AHCTF1: variants seen among roughly 807,000 people sequenced by gnomAD.
AHCTF1 encodes AT-hook containing transcription factor 1.
In AHCTF1, 24 loss-of-function variants were observed where a neutral mutation model predicts 248.4. That is an observed-to-expected ratio of 0.10 (90% CI 0.07 to 0.14). The LOEUF (loss-of-function observed/expected upper bound fraction) is 0.14. AHCTF1 is among the 10% of genes least tolerant of loss of function. The pLI, the probability that AHCTF1 is intolerant of heterozygous loss-of-function variation, is 1.00. For synonymous variants in AHCTF1, 786 were observed against 929.8 expected (o/e 0.85, Z 2.81); for missense variants, 2,206 against 2,636.2 (o/e 0.84, Z 3.57).
chr1:246,883,424 T>C (rs1246359363), intron 21 of AHCTF1, among the ~76,000 whole-genome samples: 1 of 152,210 alleles, frequency 6.6e-6, no homozygotes, highest in African/African-American at 2.4e-5. Flanking sequence ...CTTGAATAAG[T>C]CCCTGTAAAT....
At chr1:246,868,611 TAAAA>T (rs36102148) in intron 24 of AHCTF1, among the ~76,000 whole-genome samples, 3 of 132,642 alleles carry the variant, frequency 2.3e-5, no homozygotes, top group African/African-American at 5.3e-5. Flanking sequence ...TGGTAAGTGG[TAAAA>T]AAAAAAAAAA....
intron 7 of AHCTF1, among the ~76,000 whole-genome samples, chr1:246,902,969 T>A (rs1017038854): frequency 2.0e-5 from 3 of 152,228 alleles, no homozygotes; most frequent in Non-Finnish European, 2.9e-5. Flanking sequence ...AAATTATATA[T>A]GCATATATCT....
At chr1:246,903,852 AAAG>A in intron 7 of AHCTF1, 94 bp downstream of exon 7, 4 of 1,042,672 alleles carry the variant, frequency 3.8e-6, no homozygotes, top group South Asian at 1.5e-5. Context: ...AAAAAAAAAA[AAAG>A]AATCACTTTT....
chr1:246,847,850 A>C (rs1660399133), intron 33 of AHCTF1, among the ~76,000 whole-genome samples: 1 of 152,186 alleles, frequency 6.6e-6, no homozygotes, highest in African/African-American at 2.4e-5. Context: ...GGTGGTTACT[A>C]TATTCCTCCA....
At chr1:246,901,728 G>A (rs1665014952) in intron 8 of AHCTF1, among the ~76,000 whole-genome samples, 3 of 152,182 alleles carry the variant, frequency 2.0e-5, no homozygotes, top group African/African-American at 7.2e-5. Context: ...CGAGATGGGA[G>A]AATTGGTTGA....
intron 4 of AHCTF1, 68 bp from the exon 5 acceptor site, chr1:246,907,826 C>A: frequency 7.5e-7 from 1 of 1,327,512 alleles, no homozygotes; most frequent in Non-Finnish European, 1.0e-6. Flanking sequence ...ATATGTCATC[C>A]ATTATTCAAG....
chr1:246,887,602 G>C (rs1663915013), intron 19 of AHCTF1, among the ~76,000 whole-genome samples: 2 of 152,150 alleles, frequency 1.3e-5, no homozygotes, highest in Admixed American at 1.3e-4. Context: ...AGGAGATAAA[G>C]CGTATTTTTA....
At chr1:246,929,857 G>A (rs569683930) in intron 1 of AHCTF1, among the ~76,000 whole-genome samples, 1 of 152,156 alleles carries the variant, frequency 6.6e-6, no homozygotes, top group Non-Finnish European at 1.5e-5. Context: ...TTCAAGACCA[G>A]CCTGGCCAAT....
At chr1:246,842,490 G>A (rs949654697) in intron 35 of AHCTF1, among the ~76,000 whole-genome samples, 8 of 152,062 alleles carry the variant, frequency 5.3e-5, no homozygotes, top group African/African-American at 1.9e-4. Context: ...GCTGAGGCAT[G>A]AGAATCACCT....
chr1:246,923,949 G>A (rs1295292048), intron 1 of AHCTF1, among the ~76,000 whole-genome samples: 2 of 152,192 alleles, frequency 1.3e-5, no homozygotes, highest in Admixed American at 1.3e-4. Context: ...ATGTTTCAGG[G>A]AACTGTGCTG....
At chr1:246,842,072 C>T (rs1176204229) in intron 35 of AHCTF1, among the ~76,000 whole-genome samples, 2 of 151,426 alleles carry the variant, frequency 1.3e-5, no homozygotes, top group Non-Finnish European at 2.9e-5. Flanking sequence ...GGATTACAGG[C>T]GTGAGCCACC....
At chr1:246,923,887 G>A (rs954633669) in intron 1 of AHCTF1, among the ~76,000 whole-genome samples, 3 of 152,204 alleles carry the variant, frequency 2.0e-5, no homozygotes, top group African/African-American at 7.2e-5. Flanking sequence ...GAAAACTCCA[G>A]GTCTGGAAGT....
Position 246,891,925 on chromosome 1 carries a change from A to G in AHCTF1, c.1805-6T>C. ...ACCATCAAATAATGGCACACCTTTC[A>G]AGAATAAAAGAAAAGATAAGTTTCC... On this transcript the variant is annotated splice_region_variant and splice_polypyrimidine_tract_variant and intron_variant, in intron 14 of 35. Transcript: ENST00000648844. The G allele has an allele frequency of 6.3e-7, 1 of 1,577,146 alleles. No homozygotes were observed. Among genetic ancestry groups the G allele is most frequent in the Non-Finnish European group, 8.5e-7 (1 of 1,169,636 alleles).
Position 246,918,344 on chromosome 1 carries a change from A to C in AHCTF1, c.27T>G (p.Thr9=). The C allele has an allele frequency of 6.2e-7, 1 of 1,612,644 alleles. No homozygotes were observed. Among genetic ancestry groups the C allele is most frequent in the Non-Finnish European group, 8.5e-7 (1 of 1,179,392 alleles). Residue 9 remains threonine (T), a synonymous_variant, in exon 2 of 36, where the codon ACT becomes ACG. Transcript: ENST00000648844. ...CTTCTGGAAATGGCAGGAGACCACT[A>C]GTCACTTGAGCTCTTAAGTCTCGCA... The part of the protein sequence containing the change: MRDLRAQV[T]SGLLPFPEVT...
chr1:246,910,020 T>C (rs1159139243), intron 4 of AHCTF1, among the ~76,000 whole-genome samples: 1 of 152,228 alleles, frequency 6.6e-6, no homozygotes, highest in Non-Finnish European at 1.5e-5. Context: ...GTGAATCCAC[T>C]GATCACTAAT....
At chr1:246,868,399 G>GCTCA (rs1180194312) in intron 24 of AHCTF1, among the ~76,000 whole-genome samples, 26 of 144,652 alleles carry the variant, frequency 1.8e-4, no homozygotes, top group African/African-American at 7.5e-4. Flanking sequence ...GGGATTACAG[G>GCTCA]CGTGAGCCAC....
intron 24 of AHCTF1, 86 bp from the exon 25 acceptor site, chr1:246,867,897 CCCCCCA>C: frequency 3.5e-6 from 2 of 568,900 alleles, no homozygotes; most frequent in Non-Finnish European, 5.2e-6. Context: ...TTACACCCCC[CCCCCCA>C]CACACACACA....
intron 29 of AHCTF1, among the ~76,000 whole-genome samples, chr1:246,860,647 C>T (rs1661469576): frequency 6.6e-6 from 1 of 152,118 alleles, no homozygotes. Flanking sequence ...AACTTCTGAA[C>T]ACTCCCACCA....
chr1:246,898,845 C>A (rs980732941), intron 11 of AHCTF1, among the ~76,000 whole-genome samples: 1 of 152,188 alleles, frequency 6.6e-6, no homozygotes, highest in Non-Finnish European at 1.5e-5. Flanking sequence ...CCCAACACTT[C>A]GGGAGGCCGA....
Sources: allele counts gnomAD v4.1 joint callset (sites outside exome capture counted in the v4.1 genomes callset), GRCh38; gene constraint gnomAD v4.1.1; transcripts MANE v1.5; gene names NCBI Gene and HGNC (gene_info 2026-07-23, HGNC 2026-07-21).